Variants in KIAA1549L observed in about 807,000 individuals in gnomAD.
KIAA1549L encodes the protein UPF0606 protein KIAA1549L.
KIAA1549L carries 88 observed loss-of-function variants against 160.7 expected under a neutral mutation model. The ratio of observed to expected loss-of-function variants is 0.55; its 90% CI spans 0.46 to 0.65. KIAA1549L has a LOEUF of 0.65. Among genes scored for constraint, KIAA1549L ranks in the 30% least tolerant of loss-of-function variants. KIAA1549L has a pLI of 0.00. For synonymous variants in KIAA1549L, 950 were observed against 976.7 expected (o/e 0.97, Z 0.51); for missense variants, 2,258 against 2,437.5 (o/e 0.93, Z 1.55).
At chr11:33,456,835 A>G (rs963886101) in intron 1 of KIAA1549L, among the ~76,000 whole-genome samples, 7 of 152,196 alleles carry the variant, frequency 4.6e-5, no homozygotes, top group Non-Finnish European at 5.9e-5. Flanking sequence ...TCAAAATCCA[A>G]TCTAACACAC....
intron 15 of KIAA1549L, among the ~76,000 whole-genome samples, chr11:33,610,753 T>C (rs1209063476): frequency 6.6e-6 from 1 of 152,222 alleles, no homozygotes; most frequent in Non-Finnish European, 1.5e-5. Context: ...CTGTCTTAGT[T>C]CTTTTTGTGC....
intron 1 of KIAA1549L, among the ~76,000 whole-genome samples, chr11:33,469,244 G>A (rs1158276669): frequency 1.3e-5 from 2 of 152,042 alleles, no homozygotes; most frequent in African/African-American, 2.4e-5. Context: ...TCTGTGGATT[G>A]GCCCATTCTG....
intron 1 of KIAA1549L, among the ~76,000 whole-genome samples, chr11:33,516,631 G>C (rs769165107): frequency 1.3e-5 from 2 of 152,096 alleles, no homozygotes; most frequent in Admixed American, 6.5e-5. Context: ...GAAGTTATGA[G>C]GGAAAAAATA....
At chr11:33,568,821 C>T (rs1037465856) in intron 9 of KIAA1549L, among the ~76,000 whole-genome samples, 1 of 152,228 alleles carries the variant, frequency 6.6e-6, no homozygotes, top group Non-Finnish European at 1.5e-5. Flanking sequence ...AACAGCCAGC[C>T]TCTGAATCTT....
At chr11:33,433,745 A>T (rs1180791144) in intron 1 of KIAA1549L, among the ~76,000 whole-genome samples, 2 of 152,218 alleles carry the variant, frequency 1.3e-5, no homozygotes, top group African/African-American at 4.8e-5. Flanking sequence ...TACACCATGG[A>T]ATACTATGCA....
intron 1 of KIAA1549L, among the ~76,000 whole-genome samples, chr11:33,522,915 A>G (rs1037140073): frequency 4.1e-5 from 6 of 148,148 alleles, no homozygotes; most frequent in East Asian, 2.0e-4. Flanking sequence ...AAAAAAAAAT[A>G]TGGTCTTTAC....
chr11:33,618,720 G>T (rs1850886254), intron 16 of KIAA1549L, 58 bp downstream of exon 16: 30 of 1,411,512 alleles, frequency 2.1e-5, no homozygotes, highest in Non-Finnish European at 2.7e-5. Flanking sequence ...AGGCAAGGGG[G>T]ATAGGGCATC....
At chr11:33,631,993 A>G (rs971768614) in intron 16 of KIAA1549L, among the ~76,000 whole-genome samples, 1 of 152,216 alleles carries the variant, frequency 6.6e-6, no homozygotes, top group South Asian at 2.1e-4. Context: ...TCTGAGCCAA[A>G]TACACATTAG....
chr11:33,394,333 C>G (rs542414760), intron 1 of KIAA1549L, among the ~76,000 whole-genome samples: 1 of 152,196 alleles, frequency 6.6e-6, no homozygotes, highest in African/African-American at 2.4e-5. Flanking sequence ...CTGCAGTGAT[C>G]TGAGATCATG....
At position 33,385,820 on chromosome 11, in the gene KIAA1549L, T is replaced by C. The variant is rs966004917; in HGVS notation, c.238+8931T>C. On this transcript the variant is annotated intron_variant, in intron 1 of 20. Coordinates refer to ENST00000658780, the MANE Select transcript of KIAA1549L (RefSeq NM_012194.3). Reference sequence around the variant, plus strand: ...TCTTTCTTTTCTCTCATCAATGTTTTATAGTTTTCCACATACAAATTTGTA... The same window carrying C: ...TCTTTCTTTTCTCTCATCAATGTTTCATAGTTTTCCACATACAAATTTGTA... Among the ~76,000 whole-genome samples the C allele has an allele frequency of 2.6e-5, 4 of 152,290 alleles. No homozygotes were observed. The East Asian group carries it at 7.7e-4, about 29-fold the overall frequency.
chr11:33,500,823 A>G (rs922056412), intron 1 of KIAA1549L, among the ~76,000 whole-genome samples: 1 of 152,182 alleles, frequency 6.6e-6, no homozygotes, highest in East Asian at 1.9e-4. Flanking sequence ...AATGTAGGCA[A>G]CACCTTTTCA....
At chr11:33,382,048 T>G (rs1406070171) in intron 1 of KIAA1549L, among the ~76,000 whole-genome samples, 1 of 152,126 alleles carries the variant, frequency 6.6e-6, no homozygotes, top group Admixed American at 6.5e-5. Context: ...TAGTCTGGAA[T>G]TCTAGGGCGA....
intron 1 of KIAA1549L, among the ~76,000 whole-genome samples, chr11:33,472,035 A>C (rs1395376829): frequency 6.6e-6 from 1 of 152,174 alleles, no homozygotes; most frequent in African/African-American, 2.4e-5. Flanking sequence ...CCTCAGAATG[A>C]GCCAAAGTGG....
intron 16 of KIAA1549L, among the ~76,000 whole-genome samples, chr11:33,645,398 C>T (rs1334605616): frequency 5.9e-5 from 9 of 152,052 alleles, no homozygotes; most frequent in African/African-American, 1.7e-4. Flanking sequence ...TTAATGTCAT[C>T]GGTGAAAGCC....
chr11:33,580,763 C>T (rs997272458), intron 10 of KIAA1549L, among the ~76,000 whole-genome samples: 1 of 152,114 alleles, frequency 6.6e-6, no homozygotes, highest in Non-Finnish European at 1.5e-5. Context: ...AATCCCTGCC[C>T]TCATGGAGCT....
intron 12 of KIAA1549L, among the ~76,000 whole-genome samples, 167 bp from the exon 13 acceptor site, chr11:33,598,653 T>C (rs537364931): frequency 6.6e-6 from 1 of 152,358 alleles, no homozygotes; most frequent in Non-Finnish European, 1.5e-5. Context: ...TAACCCACGC[T>C]GTAGTGTGGG....
At chr11:33,435,816 G>GTGTGTATATATA (rs1554976827) in intron 1 of KIAA1549L, among the ~76,000 whole-genome samples, 2 of 39,574 alleles carry the variant, frequency 5.1e-5, no homozygotes, top group Non-Finnish European at 8.4e-5. Flanking sequence ...ATATATGTGT[G>GTGTGTATATATA]TGTATATATA....
chr11:33,393,075 C>G (rs1590215616), intron 1 of KIAA1549L, among the ~76,000 whole-genome samples: 1 of 152,308 alleles, frequency 6.6e-6, no homozygotes, highest in African/African-American at 2.4e-5. Context: ...CTTTTGTCGG[C>G]TCTTCATAAC....
rs117340171 is a variant in KIAA1549L, at chr11:33,527,440, A to G, written c.239-14362A>G. Among the ~76,000 whole-genome samples, 238 of 152,310 alleles carry G rather than the reference A, an allele frequency of 1.6e-3. 2 individuals carry two copies. The highest frequency in any genetic ancestry group is 1.8e-3 in the Non-Finnish European group (120 of 68,028). On this transcript the variant is annotated intron_variant, in intron 1 of 20. Coordinates refer to ENST00000658780, the MANE Select transcript of KIAA1549L (RefSeq NM_012194.3). The stretch of plus-strand genomic sequence containing the variant: ...TCATATCTCACCTATACAAAAATCA[A>G]CTCAAGATGGATCAAGGACTTTAAG...
Sources: allele counts gnomAD v4.1 joint callset (sites outside exome capture counted in the v4.1 genomes callset), GRCh38; gene constraint gnomAD v4.1.1; transcripts MANE v1.5; gene names NCBI Gene and HGNC (gene_info 2026-07-23, HGNC 2026-07-21).